The following DNAH1 variants were observed in gnomAD, a reference collection of about 807,000 sequenced individuals.
DNAH1 encodes axonemal beta dynein heavy chain 1.
DNAH1 carries 327 observed loss-of-function variants against 484.3 expected under a neutral mutation model. The observed-to-expected ratio is 0.68, with a 90% CI of 0.62 to 0.74. DNAH1 has a LOEUF of 0.74. DNAH1 is among the 30% of genes least tolerant of loss of function. The pLI is 0.00. For missense variants in DNAH1, 5,052 were observed against 5,546.8 expected (o/e 0.91, Z 2.83); for synonymous variants, 2,192 against 2,191.9 (o/e 1.00, Z 0.00).
chr3:52,335,843 A>C (rs1701724849), intron 8 of DNAH1, among the ~76,000 whole-genome samples: 1 of 151,824 alleles, frequency 6.6e-6, no homozygotes, highest in Admixed American at 6.6e-5. Context: ...CATGTTGGTC[A>C]GGCGGGTCTC....
rs1578142824 is a variant in DNAH1, at chr3:52,361,893, G to A, written c.4980+127G>A. ...TGGGTCCAGCCTCTCTTGTCCCGGG[G>A]GCACACCCTAACCCCAGTCTGTGGG... On this transcript the variant is annotated intron_variant, in intron 30 of 77. Transcript: ENST00000420323. This position sits in a 1 kb window ranked among gnomAD's most constrained non-coding sequence, Gnocchi z 5.6. 9.8e-7 allele frequency: 1 copy of A among 1,018,538 alleles called. No individual in the cohort carries two copies. The highest frequency in any genetic ancestry group is 1.6e-5 in the South Asian group (1 of 64,114). 63.1% of individuals were successfully genotyped at this position (1,018,538 alleles called of 1,614,324 possible).
chr3:52,391,602 A>C lies in DNAH1; in HGVS notation c.10051A>C (p.Ser3351Arg), dbSNP rs1196925730. ...CCTCATCAACTTCACCCTGTCGCCC[A>C]GGTGAGCCCCCACTCTTGGGGACGC... The part of the protein sequence containing the change: ...LTLINFTLSP[S>R]GLEDQLLGQV... The change falls in exon 63 of 78, where the codon AGT (serine) becomes CGT (arginine). Residue 3351 changes from serine (S) to arginine (R), a missense_variant and splice_region_variant. Ser to Arg is a moderately radical substitution (Grantham distance 110). Coordinates refer to ENST00000420323, the MANE Select transcript of DNAH1 (RefSeq NM_015512.5). The C allele has an allele frequency of 6.2e-7, 1 of 1,613,610 alleles. No homozygotes were observed.
chr3:52,370,238 CT>C lies in DNAH1; in HGVS notation c.6258+10del. 6.2e-7 allele frequency: 1 copy of C among 1,613,178 alleles called. No homozygotes were observed. Among genetic ancestry groups the C allele is most frequent in the Non-Finnish European group, 8.5e-7 (1 of 1,179,546 alleles). On this transcript the variant is annotated intron_variant, in intron 39 of 77. Coordinates refer to ENST00000420323, the MANE Select transcript of DNAH1 (RefSeq NM_015512.5). ...CCTTTCTGCCTAGAGAGGTACAGCC[CT>C]GAGAGTGGGGCTAGATGCACCTGGT... is the stretch of plus-strand genomic sequence containing the variant.
intron 8 of DNAH1, among the ~76,000 whole-genome samples, chr3:52,342,208 G>A (rs1701965489): frequency 6.6e-6 from 1 of 152,284 alleles, no homozygotes; most frequent in South Asian, 2.1e-4. Context: ...GGTTACTGTG[G>A]TTGGGATGCA....
At chr3:52,394,436 G>T in intron 66 of DNAH1, 29 bp from the exon 67 acceptor site, 1 of 1,611,350 alleles carries the variant, frequency 6.2e-7, no homozygotes. Flanking sequence ...CCAGGGCCTG[G>T]GCATCAGCCT....
At chr3:52,372,633 C>G (rs1368788262) in intron 43 of DNAH1, among the ~76,000 whole-genome samples, 1 of 152,228 alleles carries the variant, frequency 6.6e-6, no homozygotes, top group East Asian at 1.9e-4. Flanking sequence ...GGACAGGGCC[C>G]TGGGTCTGTC....
chr3:52,357,018 GT>G (rs1425183830), intron 22 of DNAH1, among the ~76,000 whole-genome samples: 1 of 145,802 alleles, frequency 6.9e-6, no homozygotes, highest in Non-Finnish European at 1.5e-5. Flanking sequence ...TTTTTTTTTT[GT>G]TTGTCTGTTT....
intron 5 of DNAH1, 68 bp downstream of exon 5, chr3:52,326,959 G>A (rs1480411601): frequency 1.3e-6 from 2 of 1,525,830 alleles, no homozygotes; most frequent in African/African-American, 1.4e-5. Context: ...GGACGCTCAG[G>A]AGTCAGATCT....
chr3:52,396,740 C>T lies in DNAH1; in HGVS notation c.11553C>T (p.Arg3851=). ...IPYEFTDGDL[R]ICISQLKMFL... Reference sequence around the variant, plus strand: ...ATGAGTTCACGGATGGAGATCTGCGCATCTGCATCAGCCAGCTCAAGATGT... The same window carrying T: ...ATGAGTTCACGGATGGAGATCTGCGTATCTGCATCAGCCAGCTCAAGATGT... Residue 3851 remains arginine (R), a synonymous_variant, in exon 72 of 78, where the codon CGC becomes CGT. Transcript: ENST00000420323. The T allele has an allele frequency of 6.2e-7, 1 of 1,613,776 alleles. No individual in the cohort carries two copies. The highest frequency in any genetic ancestry group is 8.5e-7 in the Non-Finnish European group (1 of 1,179,866).
chr3:52,348,411 G>A (rs1675957738), intron 12 of DNAH1, among the ~76,000 whole-genome samples: 1 of 152,152 alleles, frequency 6.6e-6, no homozygotes, highest in African/African-American at 2.4e-5. Context: ...CTCCAGAGGT[G>A]GACACAGGCC....
intron 50 of DNAH1, 101 bp from the exon 51 acceptor site, chr3:52,383,285 T>TA (rs1471984630): frequency 9.4e-7 from 1 of 1,068,394 alleles, no homozygotes; most frequent in East Asian, 2.5e-5. Flanking sequence ...GCCTTAGTGG[T>TA]ACAGTCTGTC....
rs559640568 is a variant in DNAH1, at chr3:52,350,650, G to A, written c.2729+60G>A. The A allele has an allele frequency of 2.0e-5, 30 of 1,477,878 alleles. No individual in the cohort carries two copies. The South Asian group carries it at 3.3e-4, about 16-fold the overall frequency. The allele number at this position is 1,477,878 out of a possible 1,614,324, so 91.5% of individuals were successfully genotyped here. The stretch of plus-strand genomic sequence containing the variant: ...GGTGGAGCATGAGGGGAGCTGCTGA[G>A]CTGCAGAGGCTCCCAAATGCCCCAG... On this transcript the variant is annotated intron_variant, in intron 16 of 77. Transcript: ENST00000420323.
Position 52,361,211 on chromosome 3 carries a change from CCCCAGCTGG to C in DNAH1, c.4744_4752del (p.Pro1582_Gly1584del). ...GCTCTGCACCTCAAGTTTGGGGGTG[CCCCAGCTGG>C]CCCAGCTGGCACAGGCAAAACTGAG... On this transcript the variant is annotated inframe_deletion, in exon 29 of 78. Transcript: ENST00000420323. The surrounding 1 kb of genome is among the most constrained non-coding windows in gnomAD (Gnocchi z 5.6). 6.2e-7 allele frequency: 1 copy of C among 1,612,076 alleles called. No individual in the cohort carries two copies. Among genetic ancestry groups the C allele is most frequent in the Non-Finnish European group, 8.5e-7 (1 of 1,179,226 alleles).
intron 6 of DNAH1, among the ~76,000 whole-genome samples, chr3:52,330,099 C>T (rs774656176): frequency 6.6e-6 from 1 of 152,156 alleles, no homozygotes; most frequent in East Asian, 1.9e-4. Flanking sequence ...CATGAGCCAC[C>T]GCGCCTGGCC....
chr3:52,397,298 G>C (rs1704679697), intron 73 of DNAH1, among the ~76,000 whole-genome samples: 1 of 152,068 alleles, frequency 6.6e-6, no homozygotes, highest in Non-Finnish European at 1.5e-5. Flanking sequence ...GAAGGCTTGG[G>C]GCAGCTCCTC....
In DNAH1 at chr3:52,375,402, G is replaced by A. The variant is rs377338161; in HGVS notation, c.7148G>A (p.Gly2383Asp). ...AAACGCATCTTCTCCACCATCCTGG[G>A]CAACTGGTTGGGTGAGTATTGGTGG... ...SKKRIFSTIL[G>D]NWLDGLLGEK... Residue 2383 changes from glycine (G) to aspartate (D), a missense_variant, in exon 45 of 78, where the codon GGC (glycine) becomes GAC (aspartate). This residue lies in a region of DNAH1 where 2,929 missense variants were observed against 3,409.4 expected (regional missense o/e 0.86). Transcript: ENST00000420323. The A allele has an allele frequency of 2.3e-5, 37 of 1,612,912 alleles. No individual in the cohort carries two copies. The highest frequency in any genetic ancestry group is 3.1e-5 in the Non-Finnish European group (36 of 1,179,668).
chr3:52,381,561 A>G lies in DNAH1; in HGVS notation c.7609-79A>G, dbSNP rs1252276501. 4 of 1,379,838 alleles carry G rather than the reference A, an allele frequency of 2.9e-6. No individual in the cohort carries two copies. In the Admixed American group the frequency reaches 8.7e-5, roughly 30 times the overall value. The allele number at this position is 1,379,838 out of a possible 1,614,324, so 85.5% of individuals were successfully genotyped here. A position where few individuals can be genotyped will look rare whatever the true frequency, so the allele number is the denominator to read the frequency against. On this transcript the variant is annotated intron_variant, in intron 48 of 77. Transcript: ENST00000420323. This position sits in a 1 kb window ranked among gnomAD's most constrained non-coding sequence, Gnocchi z 4.1. ...TGCTTCTCAGTCAGGACAGAGAAGA[A>G]AGCGGGTGGGTGGGGGGAATCGGGG...
At chr3:52,352,217 TG>T (rs2153224026) in intron 17 of DNAH1, 114 bp downstream of exon 17, 1 of 1,395,008 alleles carries the variant, frequency 7.2e-7, no homozygotes, top group East Asian at 2.5e-5. Flanking sequence ...CAACATGTGA[TG>T]GGCGGGCAGA....
At position 52,352,603 on chromosome 3, in the gene DNAH1, A is replaced by C; in HGVS notation, c.2923A>C (p.Ile975Leu). Residue 975 changes from isoleucine to leucine, a missense_variant, in exon 18 of 78, where the codon ATC (isoleucine) becomes CTC (leucine). By Grantham distance (5) the Ile-to-Leu change is conservative (BLOSUM62 2). Coordinates refer to ENST00000420323, the MANE Select transcript of DNAH1 (RefSeq NM_015512.5). ...TGTGGAGATTTCACGTGCACACGAG[A>C]TCGCCAACGAGGTGCGGCGTGTCAA... is the stretch of plus-strand genomic sequence containing the variant. ...IHVEISRAHE[I>L]ANEVRRVKKQ... 6.2e-7 allele frequency: 1 copy of C among 1,612,576 alleles called. No homozygotes were observed. The highest frequency in any genetic ancestry group is 8.5e-7 in the Non-Finnish European group (1 of 1,179,582).
Sources: gnomAD v4.1 joint callset for allele counts (sites outside exome capture counted in the v4.1 genomes callset) on GRCh38, gnomAD v4.1.1 for gene constraint, gnomAD v4.1.1 regional missense constraint, Gnocchi (gnomAD v3.1) non-coding constraint, MANE v1.5 for transcripts, NCBI Gene and HGNC (gene_info 2026-07-23, HGNC 2026-07-21) for gene names.